CPB2: variants seen among roughly 807,000 people sequenced by gnomAD.
The protein encoded by CPB2 is carboxypeptidase B2.
In CPB2, 54 loss-of-function variants were observed where a neutral mutation model predicts 57.0. The observed-to-expected ratio is 0.95, with a 90% CI of 0.76 to 1.19. The LOEUF (loss-of-function observed/expected upper bound fraction) is 1.19. CPB2 is among the 50% of genes most tolerant of loss of function. The pLI, the probability that CPB2 is intolerant of heterozygous loss-of-function variation, is 0.00. For synonymous variants in CPB2, 189 were observed against 178.1 expected, an observed-to-expected ratio of 1.06 and a Z score of -0.49; for missense variants, 426 against 512.0, an observed-to-expected ratio of 0.83 and a Z score of 1.62.
intron 1 of CPB2, among the ~76,000 whole-genome samples, chr13:46,101,703 C>A (rs1300273722): frequency 2.4e-5 from 3 of 123,998 alleles, no homozygotes; most frequent in Non-Finnish European, 4.9e-5. Context: ...AGTGAAGTAA[C>A]AGGTCACTTT....
At position 46,067,399 on chromosome 13, in the gene CPB2, T is replaced by C. The variant is rs755828340; in HGVS notation, c.610A>G (p.Ile204Val). Residue 204 changes from isoleucine to valine, a missense_variant, in exon 7 of 11, where the codon ATA becomes GTA. Ile to Val is a conservative substitution (Grantham distance 29). Transcript: ENST00000181383. ...AGGAGATTGGTATATTGCCCTATTA[T>C]CCCATAGAATTGAGTTATCTGCAAA... ...FIGHITQFYG[I>V]IGQYTNLLRL... 6.4e-7 allele frequency: 1 copy of C among 1,570,496 alleles called. No individual in the cohort carries two copies. Among genetic ancestry groups the C allele is most frequent in the Non-Finnish European group, 8.8e-7 (1 of 1,142,206 alleles).
chr13:46,066,748 G>A (rs2044860804), intron 7 of CPB2, among the ~76,000 whole-genome samples: 1 of 151,594 alleles, frequency 6.6e-6, no homozygotes, highest in Non-Finnish European at 1.5e-5. Context: ...AGGAGGCTGA[G>A]GCAGAAAAAT....
intron 7 of CPB2, 108 bp downstream of exon 7, chr13:46,067,197 ATT>A: frequency 1.9e-6 from 1 of 533,528 alleles, no homozygotes; most frequent in East Asian, 3.1e-5. Context: ...GTTAAAAAAA[ATT>A]AATAATAAAG....
chr13:46,089,649 G>A (rs2045261997), intron 1 of CPB2, among the ~76,000 whole-genome samples: 1 of 152,162 alleles, frequency 6.6e-6, no homozygotes, highest in Non-Finnish European at 1.5e-5. Context: ...TAGGAGATGA[G>A]GGTTTTGGGA....
intron 2 of CPB2, among the ~76,000 whole-genome samples, chr13:46,086,854 G>A (rs572485770): frequency 2.6e-5 from 4 of 152,200 alleles, no homozygotes; most frequent in Middle Eastern, 3.2e-3. Context: ...AGGCAGCAGG[G>A]GGCTAGCATG....
chr13:46,088,278 C>T (rs897461742), intron 1 of CPB2, among the ~76,000 whole-genome samples: 2 of 152,156 alleles, frequency 1.3e-5, no homozygotes, highest in African/African-American at 2.4e-5. Context: ...CCAGAGGTAT[C>T]CTCTACCTTA....
chr13:46,084,326 CG>C lies in CPB2; in HGVS notation c.167del (p.Pro56ArgfsTer2). On this transcript the variant is annotated frameshift_variant, in exon 3 of 11. Coordinates refer to ENST00000181383, the MANE Select transcript of CPB2 (RefSeq NM_001872.5). LOFTEE classifies it high-confidence loss of function. ...TTTYEIVLWQ[P>X]VTADLIVKKK... ...TCTTCACAATAAGGTCAGCTGTTAC[CG>C]GCTGCCAGAGAACAATCTACAGTTT... 2 of 1,613,922 alleles carry C rather than the reference CG, an allele frequency of 1.2e-6. No homozygotes were observed. The highest frequency in any genetic ancestry group is 1.7e-6 in the Non-Finnish European group (2 of 1,179,966).
At chr13:46,079,121 G>A (rs1203910674) in intron 4 of CPB2, among the ~76,000 whole-genome samples, 1 of 152,144 alleles carries the variant, frequency 6.6e-6, no homozygotes, top group Admixed American at 6.5e-5. Context: ...GTGAAAAAGT[G>A]CTAAGATACT....
intron 1 of CPB2, among the ~76,000 whole-genome samples, chr13:46,097,813 A>G (rs2045386832): frequency 6.6e-6 from 1 of 152,200 alleles, no homozygotes; most frequent in South Asian, 2.1e-4. Context: ...CCGTCACTCC[A>G]AGTAACCCAC....
intron 1 of CPB2, chr13:46,100,738 A>G (rs1020576848): frequency 1.3e-5 from 2 of 152,204 alleles, no homozygotes; most frequent in Non-Finnish European, 2.9e-5. Context: ...ACTTAATGTT[A>G]GATGCCATCC....
chr13:46,065,574 C>G (rs1314539303), intron 7 of CPB2, among the ~76,000 whole-genome samples: 1 of 143,256 alleles, frequency 7.0e-6, no homozygotes, highest in African/African-American at 2.6e-5. Flanking sequence ...TTGCAGTGAG[C>G]CGAGATCTTG....
At position 46,077,824 on chromosome 13, in the gene CPB2, A is replaced by G. The variant is rs947164006; in HGVS notation, c.486+976T>C. ...TATCATTTGCAGCAACATGCCCTGA[A>G]ATAAGCTATGTAGGGAAAGACAAAT... On this transcript the variant is annotated intron_variant, in intron 5 of 10. Transcript: ENST00000181383. Among the ~76,000 whole-genome samples the G allele has an allele frequency of 1.2e-4, 19 of 152,196 alleles. 1 individual carries two copies. Among genetic ancestry groups the G allele is most frequent in the African/African-American group, 4.6e-4 (19 of 41,458 alleles).
intron 1 of CPB2, among the ~76,000 whole-genome samples, chr13:46,093,670 A>T (rs1351231785): frequency 6.6e-6 from 1 of 152,198 alleles, no homozygotes; most frequent in Non-Finnish European, 1.5e-5. Flanking sequence ...GAAAAATTAT[A>T]TGTGTTAAAA....
intron 10 of CPB2, among the ~76,000 whole-genome samples, chr13:46,054,275 C>T (rs895730146): frequency 3.3e-5 from 5 of 152,164 alleles, no homozygotes. Flanking sequence ...AATTGTCCTT[C>T]CTCATTTGTC....
At chr13:46,061,316 T>C (rs2044769511) in intron 8 of CPB2, among the ~76,000 whole-genome samples, 1 of 152,318 alleles carries the variant, frequency 6.6e-6, no homozygotes, top group African/African-American at 2.4e-5. Flanking sequence ...TTTTAGAAAA[T>C]GTGTGGTGCT....
intron 10 of CPB2, 83 bp downstream of exon 10, chr13:46,055,679 A>G: frequency 1.3e-6 from 1 of 774,406 alleles, no homozygotes; most frequent in Non-Finnish European, 2.1e-6. Flanking sequence ...AATTCAGAAA[A>G]ATTAAATACA....
intron 9 of CPB2, among the ~76,000 whole-genome samples, chr13:46,057,705 C>T (rs532532513): frequency 6.6e-6 from 1 of 152,270 alleles, no homozygotes; most frequent in African/African-American, 2.4e-5. Context: ...ATTGGAGGTA[C>T]TTTAATAGGA....
intron 1 of CPB2, among the ~76,000 whole-genome samples, chr13:46,093,208 C>T (rs2139415194): frequency 6.6e-6 from 1 of 152,290 alleles, no homozygotes; most frequent in South Asian, 2.1e-4. Flanking sequence ...CCACCGCGCC[C>T]ACCAAGGATA....
chr13:46,073,864 A>T lies in CPB2; in HGVS notation c.591+9T>A. On this transcript the variant is annotated intron_variant, in intron 6 of 10. Coordinates refer to ENST00000181383, the MANE Select transcript of CPB2 (RefSeq NM_001872.5). ...TGAGAAATAGGGTTAAGAGAATGTG[A>T]ATACTTACATGGCCTATGAACCACA... is the stretch of plus-strand genomic sequence containing the variant. The T allele has an allele frequency of 6.6e-7, 1 of 1,515,170 alleles. No homozygotes were observed. Among genetic ancestry groups the T allele is most frequent in the Non-Finnish European group, 9.0e-7 (1 of 1,107,828 alleles). The allele number at this position is 1,515,170 out of a possible 1,614,324, so 93.9% of individuals were successfully genotyped here. A position where few individuals can be genotyped will look rare whatever the true frequency, so the allele number is the denominator to read the frequency against.
Sources: gnomAD v4.1 joint callset for allele counts (sites outside exome capture counted in the v4.1 genomes callset) on GRCh38, gnomAD v4.1.1 for gene constraint, MANE v1.5 for transcripts, NCBI Gene and HGNC (gene_info 2026-07-23, HGNC 2026-07-21) for gene names.